SOD2: variants seen among roughly 807,000 people sequenced by gnomAD.
The protein encoded by SOD2 is superoxide dismutase [Mn], mitochondrial.
In SOD2, 11 loss-of-function variants were observed where a neutral mutation model predicts 27.0. The ratio of observed to expected loss-of-function variants is 0.41; its 90% CI spans 0.26 to 0.67. SOD2 has a LOEUF of 0.67. Ranked by LOEUF, SOD2 falls within the 30% of genes least tolerant of loss-of-function variation. SOD2 has a pLI of 0.34. For missense variants in SOD2, 250 were observed against 274.5 expected (o/e 0.91, Z 0.63); for synonymous variants, 105 against 103.0 (o/e 1.02, Z -0.12).
chr6:159,697,269 T>A (rs1777439809), upstream of SOD2, among the ~76,000 whole-genome samples: 1 of 152,204 alleles, frequency 6.6e-6, no homozygotes, highest in African/African-American at 2.4e-5. Context: ...TCTTCCTGCC[T>A]GTGGTTTGTG....
In SOD2 at chr6:159,684,282, TA is replaced by T. The variant is rs1290422555; in HGVS notation, c.523+571del. ...TTTTATTTTAGTACATATAATTATC[TA>T]AGCTGATATTAATTCTCTGTAGAAT... is the stretch of plus-strand genomic sequence containing the variant. On this transcript the variant is annotated intron_variant, in intron 4 of 4. Transcript: ENST00000538183. Among the ~76,000 whole-genome samples, 4 of 152,130 alleles carry T rather than the reference TA, an allele frequency of 2.6e-5. No individual in the cohort carries two copies. The East Asian group carries it at 7.7e-4, about 29-fold the overall frequency.
At chr6:159,739,094 T>C (rs1779090549) in intron 1 of SOD2, 1 of 1,417,166 alleles carries the variant, frequency 7.1e-7, no homozygotes, top group South Asian at 1.2e-5. Context: ...GAACATTATA[T>C]TGTGACTCTA....
chr6:159,710,324 C>A (rs1777709765), intron 1 of SOD2, among the ~76,000 whole-genome samples: 1 of 149,548 alleles, frequency 6.7e-6, no homozygotes, highest in African/African-American at 2.5e-5. Context: ...GTGGCACGTG[C>A]CTATAGTCCC....
intron 1 of SOD2, among the ~76,000 whole-genome samples, chr6:159,701,400 A>G (rs1777520247): frequency 6.6e-6 from 1 of 152,076 alleles, no homozygotes; most frequent in African/African-American, 2.4e-5. Context: ...AAGAACATAT[A>G]TTTTTTAAAA....
intron 1 of SOD2, among the ~76,000 whole-genome samples, chr6:159,709,815 C>G (rs1415509145): frequency 1.3e-5 from 2 of 152,060 alleles, no homozygotes; most frequent in Non-Finnish European, 2.9e-5. Context: ...GACACATTCA[C>G]ACGTATGTTT....
At chr6:159,696,479 C>G (rs1777423292), upstream of SOD2, among the ~76,000 whole-genome samples, 1 of 152,058 alleles carries the variant, frequency 6.6e-6, no homozygotes, top group Non-Finnish European at 1.5e-5. Context: ...GCCACCATGC[C>G]TGGCTAATTT....
intron 2 of SOD2, among the ~76,000 whole-genome samples, chr6:159,690,528 GGA>G (rs1391895740): frequency 1.3e-5 from 2 of 152,222 alleles, no homozygotes; most frequent in African/African-American, 2.4e-5. Context: ...GATTCAGAAA[GGA>G]GAGAACCAAC....
upstream of SOD2, chr6:159,749,219 A>G: frequency 1.0e-6 from 1 of 985,844 alleles, no homozygotes; most frequent in Non-Finnish European, 1.2e-6. Context: ...TTCATTTCAC[A>G]ACTAGATTGT....
At chr6:159,733,642 C>T (rs573982147) in intron 1 of SOD2, among the ~76,000 whole-genome samples, 13 of 151,474 alleles carry the variant, frequency 8.6e-5, no homozygotes, top group Admixed American at 2.0e-4. Flanking sequence ...AAGCCCAGCA[C>T]GCTGGCTCAT....
chr6:159,716,034 T>C lies in SOD2; in HGVS notation c.-116+11095A>G, dbSNP rs532610930. ...AATGACTTTTAAATTTTTGCTTTATTGTGAAACAAGGGCTATGGACATCAT... is the reference window on the plus strand; with the variant it reads ...AATGACTTTTAAATTTTTGCTTTATCGTGAAACAAGGGCTATGGACATCAT... On this transcript the variant is annotated intron_variant, in intron 1 of 2. Coordinates refer to the SOD2 transcript ENST00000401980. Among the ~76,000 whole-genome samples the C allele has an allele frequency of 3.9e-5, 6 of 152,368 alleles. No homozygotes were observed. The South Asian group carries it at 1.2e-3, about 32-fold the overall frequency.
At chr6:159,706,964 T>C (rs1167903092) in intron 1 of SOD2, among the ~76,000 whole-genome samples, 1 of 152,036 alleles carries the variant, frequency 6.6e-6, no homozygotes, top group Non-Finnish European at 1.5e-5. Context: ...ATTAAGAAAC[T>C]CACTCAAAAC....
At chr6:159,737,234 A>C (rs368867976) in intron 1 of SOD2, among the ~76,000 whole-genome samples, 1 of 152,144 alleles carries the variant, frequency 6.6e-6, no homozygotes, top group Non-Finnish European at 1.5e-5. Context: ...TTTCTTGTAG[A>C]GATGGGGTTT....
At position 159,670,440 on chromosome 6, in the gene SOD2, G is replaced by A. The variant is rs1461971319; in HGVS notation, c.*12053C>T. The A allele has an allele frequency of 6.6e-6, 1 of 152,196 alleles. No homozygotes were observed. The highest frequency in any genetic ancestry group is 6.5e-5 in the Admixed American group (1 of 15,286). 9.4% of individuals were successfully genotyped at this position (152,196 alleles called of 1,614,324 possible). The stretch of plus-strand genomic sequence containing the variant: ...ACTCTGAGCCCCAGTGAAGAATGGT[G>A]GCAGCTGTAAGCACTACCAGCAAGT... On this transcript the variant is annotated 3_prime_UTR_variant, in exon 5 of 5. Transcript: ENST00000538183.
At chr6:159,708,992 C>T (rs921269588) in intron 1 of SOD2, among the ~76,000 whole-genome samples, 1 of 152,092 alleles carries the variant, frequency 6.6e-6, no homozygotes, top group Non-Finnish European at 1.5e-5. Flanking sequence ...CTTTGAGAAA[C>T]CTGACAAAAA....
exon 1 of SOD2, chr6:159,761,734 C>A (rs1780131516): frequency 2.8e-6 from 1 of 362,196 alleles, no homozygotes; most frequent in South Asian, 2.1e-5. Context: ...AGTCGGGGAA[C>A]TCCAACATTG....
intron 2 of SOD2, 180 bp downstream of exon 2, chr6:159,692,481 C>T (rs904520469): frequency 1.4e-6 from 2 of 1,443,384 alleles, no homozygotes; most frequent in African/African-American, 2.9e-5. Flanking sequence ...CATCGAGGCA[C>T]TCCTTCTACA....
At chr6:159,727,248 C>A in exon 1 of SOD2, 1 of 1,281,862 alleles carries the variant, frequency 7.8e-7, no homozygotes, top group Non-Finnish European at 1.0e-6. Flanking sequence ...GCTAGGCCGA[C>A]GGCCTCCCTC....
chr6:159,750,861 C>T (rs997851281), intron 1 of SOD2, among the ~76,000 whole-genome samples: 2 of 152,114 alleles, frequency 1.3e-5, no homozygotes, highest in African/African-American at 4.8e-5. Context: ...GGAATATTTC[C>T]AGTGGTGGAA....
chr6:159,748,560 T>A, upstream of SOD2: 2 of 1,354,910 alleles, frequency 1.5e-6, no homozygotes, highest in Non-Finnish European at 9.5e-7. The surrounding 1 kb of genome is among the most constrained non-coding windows in gnomAD (Gnocchi z 5.6). Context: ...GTGTTTCAGC[T>A]TTTTTCTTTT....
Sources: allele counts gnomAD v4.1 joint callset (sites outside exome capture counted in the v4.1 genomes callset), GRCh38; gene constraint gnomAD v4.1.1; non-coding constraint Gnocchi (gnomAD v3.1); transcripts MANE v1.5; gene names NCBI Gene and HGNC (gene_info 2026-07-23, HGNC 2026-07-21).